Variants in ACTR3C observed in about 807,000 individuals in gnomAD.
ACTR3C encodes actin-related protein 3C.
A neutral mutation model predicts 26.3 loss-of-function variants in ACTR3C; 18 were observed. The observed-to-expected ratio is 0.68, with a 90% CI of 0.47 to 1.01. ACTR3C has a LOEUF of 1.01. ACTR3C is among the 50% of genes least tolerant of loss of function. The pLI, the probability that ACTR3C is intolerant of heterozygous loss-of-function variation, is 0.00. For missense variants in ACTR3C, 184 were observed against 250.7 expected (o/e 0.73, Z 1.80); for synonymous variants, 55 against 94.5 (o/e 0.58, Z 2.42).
the ACTR3C span, among the ~76,000 whole-genome samples, chr7:149,929,425 CAAAAAAA>C: frequency 1.1e-3 from 55 of 49,130 alleles, no homozygotes; most frequent in Non-Finnish European, 1.6e-3. Flanking sequence ...AAGATTCTGT[CAAAAAAA>C]AAAAAAAAAA....
At chr7:150,026,883 G>A in the ACTR3C span, among the ~76,000 whole-genome samples, 2 of 152,028 alleles carry the variant, frequency 1.3e-5, no homozygotes, top group African/African-American at 4.8e-5. Flanking sequence ...AATTTGTCAG[G>A]ACCTTTTAAA....
At chr7:150,233,853 C>A in the ACTR3C span, among the ~76,000 whole-genome samples, 4 of 152,036 alleles carry the variant, frequency 2.6e-5, no homozygotes. Flanking sequence ...GTCTTTCTGA[C>A]TTGTTTTTTC....
the ACTR3C span, among the ~76,000 whole-genome samples, chr7:149,930,015 A>G: frequency 1.3e-5 from 2 of 152,204 alleles, no homozygotes; most frequent in Non-Finnish European, 2.9e-5. Context: ...ACAAATATGC[A>G]TATCCTGTAT....
chr7:149,903,891 T>TTGTTGTTG, the ACTR3C span, among the ~76,000 whole-genome samples: 1 of 26,052 alleles, frequency 3.8e-5, no homozygotes, highest in Admixed American at 7.7e-4. Context: ...GTTGTTGTTG[T>TTGTTGTTG]TTGTTGTTGC....
rs557623723 is a variant in ACTR3C, at chr7:150,257,220, T to C, written c.565-8166A>G. ...AGAAGGATAATGAGACTGAGGGCTG[T>C]TGAGTCGTTAATGGGTAAGGCTGGA... On this transcript the variant is annotated intron_variant, in intron 6 of 7. Transcript: ENST00000683684. 2.6e-5 allele frequency among the ~76,000 whole-genome samples: 4 copies of C among 152,266 alleles called. No homozygotes were observed. The South Asian group carries it at 8.3e-4, about 32-fold the overall frequency.
the ACTR3C span, among the ~76,000 whole-genome samples, chr7:150,019,397 T>G: frequency 3.3e-5 from 5 of 149,328 alleles, no homozygotes; most frequent in Non-Finnish European, 7.4e-5. Flanking sequence ...ATCGAGACCA[T>G]CCTGGCCAAC....
chr7:149,976,589 A>G, the ACTR3C span, among the ~76,000 whole-genome samples: 9 of 150,142 alleles, frequency 6.0e-5, no homozygotes, highest in African/African-American at 1.3e-4. Context: ...AAAAAAAAAA[A>G]AGAGAGAGAG....
chr7:149,950,566 A>G, the ACTR3C span, among the ~76,000 whole-genome samples: 1 of 151,744 alleles, frequency 6.6e-6, no homozygotes, highest in South Asian at 2.1e-4. Context: ...TGGCCCCTGA[A>G]CCACACGTCC....
the ACTR3C span, among the ~76,000 whole-genome samples, chr7:149,931,379 C>T: frequency 6.6e-5 from 10 of 152,300 alleles, no homozygotes; most frequent in Admixed American, 3.3e-4. Flanking sequence ...ACAGTGCTCC[C>T]GCAATGCTCC....
intron 1 of ACTR3C, among the ~76,000 whole-genome samples, chr7:150,300,970 T>C (rs1290905464): frequency 2.6e-5 from 4 of 152,140 alleles, no homozygotes; most frequent in Non-Finnish European, 4.4e-5. Context: ...ACAATCTCTC[T>C]CTTAAGCTAC....
At chr7:150,284,389 C>A (rs1331135810) in intron 6 of ACTR3C, among the ~76,000 whole-genome samples, 2 of 151,940 alleles carry the variant, frequency 1.3e-5, no homozygotes, top group African/African-American at 2.4e-5. Flanking sequence ...GAAACACACA[C>A]AAAAAAATTC....
intron 6 of ACTR3C, among the ~76,000 whole-genome samples, chr7:150,259,796 A>G (rs2129609923): frequency 6.6e-6 from 1 of 152,326 alleles, no homozygotes; most frequent in African/African-American, 2.4e-5. Context: ...TGCTTCTCAA[A>G]GGTGCCCCAC....
intron 1 of ACTR3C, among the ~76,000 whole-genome samples, chr7:150,309,818 G>A (rs1217401403): frequency 2.0e-5 from 3 of 152,222 alleles, no homozygotes; most frequent in African/African-American, 7.2e-5. Context: ...CTTTGCGGCT[G>A]AAGACTGATG....
chr7:150,321,255 G>A lies in ACTR3C; in HGVS notation c.-52+2214C>T, dbSNP rs545481852. On this transcript the variant is annotated intron_variant, in intron 1 of 7. Transcript: ENST00000683684. ...ATTTGATGTTAAGCCTGATTTTTTTGCCCCTATTGCATAATCCCTATTGCA... is the reference window on the plus strand; with the variant it reads ...ATTTGATGTTAAGCCTGATTTTTTTACCCCTATTGCATAATCCCTATTGCA... Among the ~76,000 whole-genome samples the A allele has an allele frequency of 7.2e-5, 11 of 152,058 alleles. No individual in the cohort carries two copies. The South Asian group carries it at 1.7e-3, about 23-fold the overall frequency.
chr7:150,037,765 G>T, the ACTR3C span, among the ~76,000 whole-genome samples: 183 of 45,784 alleles, frequency 4.0e-3, 13 homozygotes, highest in Middle Eastern at 0.016. Flanking sequence ...CTCGCGGGGG[G>T]TGCCTCCCCC....
the ACTR3C span, among the ~76,000 whole-genome samples, chr7:150,042,062 G>A: frequency 9.8e-6 from 1 of 102,448 alleles, no homozygotes; most frequent in Non-Finnish European, 2.1e-5. Context: ...TAAGCCAGGG[G>A]GGGATGAGGG....
chr7:149,944,486 G>A, the ACTR3C span, among the ~76,000 whole-genome samples: 70 of 151,992 alleles, frequency 4.6e-4, 1 homozygote, highest in South Asian at 0.014. Flanking sequence ...CTCTGTAGGT[G>A]CTCACAGTCT....
At chr7:150,123,730 T>G in the ACTR3C span, among the ~76,000 whole-genome samples, 1 of 151,894 alleles carries the variant, frequency 6.6e-6, no homozygotes, top group African/African-American at 2.4e-5. Context: ...ACATGGAGAT[T>G]TCTGTATTTA....
At chr7:150,035,437 T>C in the ACTR3C span, among the ~76,000 whole-genome samples, 11 of 62,124 alleles carry the variant, frequency 1.8e-4, no homozygotes, top group South Asian at 6.3e-4. Context: ...TCTCAGTCCC[T>C]GACTCGCGGG....
Sources: allele counts gnomAD v4.1 joint callset (sites outside exome capture counted in the v4.1 genomes callset), GRCh38; gene constraint gnomAD v4.1.1; transcripts MANE v1.5; gene names NCBI Gene and HGNC (gene_info 2026-07-23, HGNC 2026-07-21).